Variants in MID1 observed in about 807,000 individuals in gnomAD.
The protein encoded by MID1 is E3 ubiquitin-protein ligase Midline-1.
Under a neutral mutation model 40.4 loss-of-function variants are expected in MID1, and 7 were observed. That is an observed-to-expected ratio of 0.17 (90% CI 0.10 to 0.33). The LOEUF (loss-of-function observed/expected upper bound fraction) is 0.33. MID1 is among the 10% of genes least tolerant of loss of function. The pLI, the probability that MID1 is intolerant of heterozygous loss-of-function variation, is 1.00. For missense variants in MID1, 367 were observed against 558.5 expected, an observed-to-expected ratio of 0.66 and a Z score of 3.46; for synonymous variants, 229 against 221.2, an observed-to-expected ratio of 1.04 and a Z score of -0.31.
chrX:10,798,201 T>A (rs1293683514), intron 1 of MID1, among the ~76,000 whole-genome samples: 1 of 112,209 alleles, frequency 8.9e-6, no homozygotes. Flanking sequence ...CCAAAATGTG[T>A]CCCTGCAGGA....
intron 1 of MID1, among the ~76,000 whole-genome samples, chrX:10,709,099 C>A (rs2043248995): frequency 8.9e-6 from 1 of 112,226 alleles, no homozygotes; most frequent in East Asian, 2.8e-4. Context: ...AGAAACTTTA[C>A]AATACATCTG....
At chrX:10,471,052 A>T (rs767601312) in intron 6 of MID1, among the ~76,000 whole-genome samples, 2 of 111,742 alleles carry the variant, frequency 1.8e-5, no homozygotes, top group South Asian at 7.6e-4. Flanking sequence ...GCAAAGCCTA[A>T]AGTGTCTACT....
At chrX:10,540,906 G>A (rs73202012) in intron 2 of MID1, among the ~76,000 whole-genome samples, 3,352 of 112,034 alleles carry the variant, frequency 0.03, 42 homozygotes, top group Non-Finnish European at 0.047. Context: ...GGTGGATAAC[G>A]GTTCCTACAG....
At chrX:10,782,287 T>C (rs748164174) in intron 1 of MID1, among the ~76,000 whole-genome samples, 8 of 112,039 alleles carry the variant, frequency 7.1e-5, no homozygotes, top group Non-Finnish European at 1.1e-4. Flanking sequence ...GTTTGGCATC[T>C]GACCCTTCCT....
intron 1 of MID1, among the ~76,000 whole-genome samples, chrX:10,736,079 T>C (rs1469882757): frequency 1.8e-5 from 2 of 112,231 alleles, no homozygotes; most frequent in Non-Finnish European, 3.8e-5. Flanking sequence ...AAAATTGTTA[T>C]ATTTTTTTCC....
chrX:10,640,856 G>C (rs1376910831), intron 1 of MID1, among the ~76,000 whole-genome samples: 1 of 111,867 alleles, frequency 8.9e-6, no homozygotes. Flanking sequence ...TCAGGATTAA[G>C]AAACTCACTC....
At chrX:10,716,518 A>G (rs1241362257) in intron 1 of MID1, among the ~76,000 whole-genome samples, 3 of 111,859 alleles carry the variant, frequency 2.7e-5, no homozygotes, top group Non-Finnish European at 5.6e-5. Flanking sequence ...GAAATGAACA[A>G]AGCCTCCAAG....
At chrX:10,817,908 C>T (rs931206887) in intron 1 of MID1, among the ~76,000 whole-genome samples, 8 of 111,384 alleles carry the variant, frequency 7.2e-5, no homozygotes, top group African/African-American at 2.0e-4. Context: ...CATGAGTCAC[C>T]GCACCTGGCC....
intron 1 of MID1, among the ~76,000 whole-genome samples, chrX:10,706,425 G>A (rs1169588613): frequency 2.7e-5 from 3 of 110,926 alleles, no homozygotes; most frequent in Non-Finnish European, 5.7e-5. Flanking sequence ...CATGTCATGG[G>A]AGGGACCTGG....
intron 1 of MID1, among the ~76,000 whole-genome samples, chrX:10,711,297 T>C (rs928171272): frequency 8.0e-5 from 9 of 112,122 alleles, no homozygotes; most frequent in Non-Finnish European, 1.3e-4. Context: ...AGCTTTTCAA[T>C]TGGTGAGAGG....
intron 1 of MID1, among the ~76,000 whole-genome samples, chrX:10,591,012 A>G (rs1488925422): frequency 8.9e-6 from 1 of 111,860 alleles, no homozygotes; most frequent in Non-Finnish European, 1.9e-5. Context: ...CATTGAATCA[A>G]ATTAGACAAG....
intron 4 of MID1, among the ~76,000 whole-genome samples, chrX:10,493,755 C>T (rs1278298268): frequency 2.7e-5 from 3 of 111,729 alleles, no homozygotes. Context: ...TTAGTTATTC[C>T]ATATTTCATC....
intron 4 of MID1, among the ~76,000 whole-genome samples, chrX:10,491,910 C>T (rs562264889): frequency 1.1e-4 from 12 of 111,598 alleles, no homozygotes; most frequent in Admixed American, 2.8e-4. Flanking sequence ...CAAACTCAGT[C>T]GGCATTTGTC....
chrX:10,689,448 T>A (rs1452543220), intron 1 of MID1, among the ~76,000 whole-genome samples: 1 of 111,349 alleles, frequency 9.0e-6, no homozygotes, highest in Admixed American at 9.6e-5. Context: ...TCACCTCCCA[T>A]CAGTTCCCTC....
At chrX:10,763,736 G>A (rs2043699330) in intron 1 of MID1, among the ~76,000 whole-genome samples, 1 of 111,680 alleles carries the variant, frequency 9.0e-6, no homozygotes, top group African/African-American at 3.3e-5. Context: ...TTGAGGAATC[G>A]CCACACTGTC....
chrX:10,493,859 T>C (rs1161302286), intron 4 of MID1, among the ~76,000 whole-genome samples: 1 of 112,589 alleles, frequency 8.9e-6, no homozygotes, highest in African/African-American at 3.2e-5. Context: ...TACTGAGAGC[T>C]AATCTCTGCA....
At chrX:10,603,070 G>T (rs779488856) in intron 1 of MID1, among the ~76,000 whole-genome samples, 16 of 112,110 alleles carry the variant, frequency 1.4e-4, no homozygotes, top group Admixed American at 4.7e-4. Context: ...TATTAAAAAT[G>T]ATTTAAGTTG....
At chrX:10,506,454 G>A (rs1931843343) in intron 3 of MID1, 2 of 590,683 alleles carry the variant, frequency 3.4e-6, no homozygotes, top group South Asian at 2.4e-5. Flanking sequence ...ACCCCATTGG[G>A]CAACTCTGGG....
intron 1 of MID1, among the ~76,000 whole-genome samples, 160 bp downstream of exon 1, chrX:10,620,130 T>C (rs904864887): frequency 1.8e-5 from 2 of 112,253 alleles, no homozygotes; most frequent in African/African-American, 6.5e-5. Flanking sequence ...TAAAATGTGC[T>C]TCTTTGGTTG....
Sources: gnomAD v4.1 joint callset for allele counts (sites outside exome capture counted in the v4.1 genomes callset) on GRCh38, gnomAD v4.1.1 for gene constraint, MANE v1.5 for transcripts, NCBI Gene and HGNC (gene_info 2026-07-23, HGNC 2026-07-21) for gene names.